The following DMD variants were observed in gnomAD, a reference collection of about 807,000 sequenced individuals.
The protein encoded by DMD is dystrophin.
In DMD, 63 loss-of-function variants were observed where a neutral mutation model predicts 330.1. The ratio of observed to expected loss-of-function variants is 0.19; its 90% confidence interval spans 0.16 to 0.24. The LOEUF (loss-of-function observed/expected upper bound fraction) is 0.24. Ranked by LOEUF, DMD falls within the 10% of genes least tolerant of loss-of-function variation. The pLI is 1.00. For synonymous variants in DMD, 1,223 were observed against 959.8 expected (o/e 1.27, Z -5.07); for missense variants, 3,344 against 2,684.1 (o/e 1.25, Z -5.43).
chrX:33,326,434 G>A (rs2054090395), intron 1 of DMD, among the ~76,000 whole-genome samples: 1 of 111,733 alleles, frequency 8.9e-6, no homozygotes, highest in South Asian at 3.7e-4. Context: ...ACACTATTTT[G>A]GAGGATTATA....
At chrX:31,685,211 G>A (rs776525067) in intron 52 of DMD, among the ~76,000 whole-genome samples, 24 of 107,164 alleles carry the variant, frequency 2.2e-4, no homozygotes, top group Non-Finnish European at 4.5e-4. Context: ...AGGGATTTTT[G>A]CCACCAATGT....
At chrX:32,321,613 ATT>A (rs1056419649) in intron 41 of DMD, among the ~76,000 whole-genome samples, 13 of 111,473 alleles carry the variant, frequency 1.2e-4, no homozygotes, top group Admixed American at 1.9e-4. Flanking sequence ...CCATATGTAA[ATT>A]TTGTGAATAG....
intron 1 of DMD, among the ~76,000 whole-genome samples, chrX:33,289,112 TA>T (rs748790037): frequency 9.0e-6 from 1 of 111,464 alleles, no homozygotes; most frequent in African/African-American, 3.3e-5. Context: ...TTTTTTTAAT[TA>T]AAAAAATCTT....
At chrX:32,852,185 T>G (rs1022013515) in intron 2 of DMD, among the ~76,000 whole-genome samples, 1 of 111,239 alleles carries the variant, frequency 9.0e-6, no homozygotes, top group Non-Finnish European at 1.9e-5. Context: ...GTCTTGCAAC[T>G]TGGACACAAG....
intron 18 of DMD, among the ~76,000 whole-genome samples, chrX:32,511,094 C>A (rs1050713132): frequency 1.8e-5 from 2 of 110,184 alleles, no homozygotes; most frequent in Non-Finnish European, 3.8e-5. Flanking sequence ...TCTTCATTTT[C>A]TTTTATATAT....
chrX:31,207,715 T>TGAGGGTG (rs2044234156), intron 65 of DMD, among the ~76,000 whole-genome samples: 1 of 111,525 alleles, frequency 9.0e-6, no homozygotes, highest in Admixed American at 9.5e-5. Context: ...ACTGGGGTCT[T>TGAGGGTG]GAGGGTGGAG....
intron 43 of DMD, among the ~76,000 whole-genome samples, chrX:32,236,541 T>C (rs2097188587): frequency 9.0e-6 from 1 of 111,708 alleles, no homozygotes; most frequent in South Asian, 3.8e-4. Context: ...TGGGAGGTAA[T>C]TGAATCATGG....
chrX:32,780,437 G>A (rs566798094), intron 7 of DMD, among the ~76,000 whole-genome samples: 41 of 112,041 alleles, frequency 3.7e-4, no homozygotes, highest in African/African-American at 1.3e-3. Context: ...ATATTTCTGA[G>A]AACCTTCTGC....
chrX:32,284,507 T>A (rs941653288), intron 43 of DMD, among the ~76,000 whole-genome samples: 4 of 111,946 alleles, frequency 3.6e-5, no homozygotes, highest in South Asian at 7.5e-4. Context: ...AACCATAAGA[T>A]CACCATTTTC....
At chrX:33,224,896 C>CA (rs2052257938) in intron 1 of DMD, among the ~76,000 whole-genome samples, 1 of 111,281 alleles carries the variant, frequency 9.0e-6, no homozygotes, top group South Asian at 3.7e-4. Context: ...AGTCTATTAA[C>CA]AATCACTTGC....
intron 60 of DMD, among the ~76,000 whole-genome samples, chrX:31,438,548 A>G (rs188016252): frequency 3.3e-4 from 37 of 111,974 alleles, no homozygotes; most frequent in African/African-American, 1.1e-3. Context: ...ATGGCCTCAT[A>G]TTTATCATTT....
Position 32,438,660 on chromosome X carries a change from C to T in DMD, c.3922-270G>A, listed in dbSNP as rs182479053. On this transcript the variant is annotated intron_variant, in intron 28 of 78. Coordinates refer to ENST00000357033, the MANE Select transcript of DMD (RefSeq NM_004006.3). The stretch of plus-strand genomic sequence containing the variant: ...CACCTTTTTCCTTGACGTCCCCTAA[C>T]TCTAAAACCAGAAGAGGTAAAACAC... Among the ~76,000 whole-genome samples, 12 of 111,845 alleles carry T rather than the reference C, an allele frequency of 1.1e-4. No homozygotes were observed. The East Asian group carries it at 3.4e-3, about 32-fold the overall frequency.
intron 55 of DMD, among the ~76,000 whole-genome samples, chrX:31,522,572 G>A (rs1219210343): frequency 9.3e-6 from 1 of 107,452 alleles, no homozygotes; most frequent in African/African-American, 3.4e-5. Flanking sequence ...CTAAACTGAG[G>A]TAATAGACAC....
chrX:33,154,383 C>T (rs767512622), intron 1 of DMD, among the ~76,000 whole-genome samples: 4 of 111,466 alleles, frequency 3.6e-5, no homozygotes, highest in South Asian at 3.8e-4. Context: ...GGCAGCAAAA[C>T]GAGCACTAAG....
chrX:32,601,712 C>A (rs943948379), intron 12 of DMD, among the ~76,000 whole-genome samples: 1 of 110,893 alleles, frequency 9.0e-6, no homozygotes, highest in Non-Finnish European at 1.9e-5. Flanking sequence ...CATCAATAAC[C>A]AATCACGTGA....
At chrX:32,601,670 A>C (rs897107484) in intron 12 of DMD, among the ~76,000 whole-genome samples, 1 of 73,908 alleles carries the variant, frequency 1.4e-5, no homozygotes, top group African/African-American at 4.2e-5. Context: ...GTAGCATCTG[A>C]AATCAGATTT....
rs139921538 is a variant in DMD, at chrX:31,737,320, A to C, written c.7543-7572T>G. ...AATGGATAAAGGGACAGGGATATGAAACGAGAATACAAAAGGGGAAATTAA... is the reference window on the plus strand; with the variant it reads ...AATGGATAAAGGGACAGGGATATGACACGAGAATACAAAAGGGGAAATTAA... On this transcript the variant is annotated intron_variant, in intron 51 of 78. Coordinates refer to ENST00000357033, the MANE Select transcript of DMD (RefSeq NM_004006.3). Among the ~76,000 whole-genome samples, 134 of 112,894 alleles carry C rather than the reference A, an allele frequency of 1.2e-3. 1 individual carries two copies. The highest frequency in any genetic ancestry group is 4.2e-3 in the African/African-American group (130 of 31,130).
At chrX:31,399,973 T>TG (rs1190418537) in intron 60 of DMD, among the ~76,000 whole-genome samples, 5 of 111,911 alleles carry the variant, frequency 4.5e-5, no homozygotes, top group Non-Finnish European at 9.4e-5. Context: ...TAAATTGCAA[T>TG]GACATCATTA....
intron 65 of DMD, 36 bp downstream of exon 65, chrX:31,209,462 G>A (rs2044423394): frequency 2.5e-6 from 3 of 1,183,984 alleles, no homozygotes; most frequent in African/African-American, 3.5e-5. Context: ...AGCCTCCTGT[G>A]ACAGAGCCCG....
Sources: gnomAD v4.1 joint callset for allele counts (sites outside exome capture counted in the v4.1 genomes callset) on GRCh38, gnomAD v4.1.1 for gene constraint, MANE v1.5 for transcripts, NCBI Gene and HGNC (gene_info 2026-07-23, HGNC 2026-07-21) for gene names.